The following SETD1B variants were observed in gnomAD, a reference collection of about 807,000 sequenced individuals.
SETD1B encodes the protein histone-lysine N-methyltransferase SETD1B.
In SETD1B, 7 loss-of-function variants were observed where a neutral mutation model predicts 148.0. The observed-to-expected ratio is 0.05, with a 90% CI of 0.03 to 0.09. The LOEUF is 0.09. Among genes scored for constraint, SETD1B ranks in the 10% least tolerant of loss-of-function variants. The probability of loss-of-function intolerance (pLI) is 1.00; values close to 1 mark genes in which losing one functional copy is unlikely to be tolerated. For missense variants in SETD1B, 2,155 were observed against 2,729.9 expected, an observed-to-expected ratio of 0.79 and a Z score of 4.69; for synonymous variants, 1,361 against 1,186.5, an observed-to-expected ratio of 1.15 and a Z score of -3.02.
chr12:121,827,860 C>T lies in SETD1B; in HGVS notation c.5589+6C>T, dbSNP rs1441461975. On this transcript the variant is annotated splice_donor_region_variant and intron_variant, in intron 15 of 16. Transcript: ENST00000604567. ...TGGGCCAGAATATCCGTCAGGTAGG[C>T]ACCGCCCGGCAGGATGGGCACCGGG... is the stretch of plus-strand genomic sequence containing the variant. 1 of 1,555,610 alleles carries T rather than the reference C, an allele frequency of 6.4e-7. No homozygotes were observed. Among genetic ancestry groups the T allele is most frequent in the South Asian group, 1.2e-5 (1 of 84,352 alleles).
rs1382235283 is a variant in SETD1B, at chr12:121,830,499, T to G, written c.*260T>G. ...GCCCCTTTCAGGATTTCTGTTTAACTCCAGCATCAGCTTCTCTCTCTCCGT... is the reference window on the plus strand; with the variant it reads ...GCCCCTTTCAGGATTTCTGTTTAACGCCAGCATCAGCTTCTCTCTCTCCGT... On this transcript the variant is annotated 3_prime_UTR_variant, in exon 17 of 17. Transcript: ENST00000604567. This position sits in a 1 kb window ranked among gnomAD's most constrained non-coding sequence, Gnocchi z 5.7. 1 of 392,962 alleles carries G rather than the reference T, an allele frequency of 2.5e-6. No homozygotes were observed. Among genetic ancestry groups the G allele is most frequent in the Non-Finnish European group, 4.6e-6 (1 of 217,368 alleles). 24.3% of individuals were successfully genotyped at this position (392,962 alleles called of 1,614,324 possible). A position where few individuals can be genotyped will look rare whatever the true frequency, so the allele number is the denominator to read the frequency against.
In SETD1B at chr12:121,808,282, C is replaced by T; in HGVS notation, c.619C>T (p.Leu207=). 1 of 1,550,792 alleles carries T rather than the reference C, an allele frequency of 6.4e-7. No individual in the cohort carries two copies. Among genetic ancestry groups the T allele is most frequent in the Middle Eastern group, 1.7e-4 (1 of 5,986 alleles). The change falls in exon 5 of 17, where the codon CTG becomes TTG. Residue 207 remains leucine, a synonymous_variant. Coordinates refer to ENST00000604567, the MANE Select transcript of SETD1B (RefSeq NM_001353345.2). This position sits in a 1 kb window ranked among gnomAD's most constrained non-coding sequence, Gnocchi z 5.3. ...CCCCCAGACCCTCCCAGTGGGCGAG[C>T]TGGACGCTGTCTCTCCAATCGTGAA... ...YTPQTLPVGE[L]DAVSPIVNET...
At position 121,817,183 on chromosome 12, in the gene SETD1B, G is replaced by A; in HGVS notation, c.2866G>A (p.Ala956Thr). The change falls in exon 8 of 17, where the codon GCC becomes ACC. Residue 956 changes from alanine to threonine, a missense_variant. Physicochemically the swap from Ala to Thr is moderately conservative, Grantham distance 58. Transcript: ENST00000604567. The surrounding 1 kb of genome is among the most constrained non-coding windows in gnomAD (Gnocchi z 8.1). ...GLGLGIGLRG[A>T]IRLPSFKVKR... ...GGGCCTGGGCATTGGGCTGCGTGGG[G>A]CCATTCGCCTGCCCTCCTTCAAGGT... is the stretch of plus-strand genomic sequence containing the variant. 6.5e-7 allele frequency: 1 copy of A among 1,550,066 alleles called. No individual in the cohort carries two copies. Among genetic ancestry groups the A allele is most frequent in the Non-Finnish European group, 8.7e-7 (1 of 1,146,918 alleles).
At position 121,823,227 on chromosome 12, in the gene SETD1B, C is replaced by T. The variant is rs185025697; in HGVS notation, c.4648C>T (p.Leu1550=). The T allele has an allele frequency of 3.1e-4, 486 of 1,549,648 alleles. 2 individuals carry two copies. In the African/African-American group the frequency reaches 5.7e-3, roughly 18 times the overall value. The change falls in exon 12 of 17, where the codon CTG becomes TTG. Residue 1550 remains leucine (L), a synonymous_variant. Transcript: ENST00000604567. The stretch of plus-strand genomic sequence containing the variant: ...AGGGGCCGCCCTTGGAAGGGAACTC[C>T]TGCTCCTGCCGGGCCAGCCACAGAC... ...PAGAALGREL[L]LLPGQPQTPV...
At chr12:121,792,721 C>T in the SETD1B span, among the ~76,000 whole-genome samples, 1 of 152,212 alleles carries the variant, frequency 6.6e-6, no homozygotes, top group Non-Finnish European at 1.5e-5. Flanking sequence ...GATCTGCAGC[C>T]GGGAGCATCC....
chr12:121,812,755 TGTGC>T (rs981319122), intron 6 of SETD1B, among the ~76,000 whole-genome samples: 6 of 152,100 alleles, frequency 3.9e-5, no homozygotes, highest in Non-Finnish European at 7.4e-5. Context: ...AAGGAGAGTG[TGTGC>T]GTGCGTGCGT....
At position 121,808,105 on chromosome 12, in the gene SETD1B, C is replaced by A. The variant is rs1047460939; in HGVS notation, c.545-103C>A. The A allele has an allele frequency of 2.4e-6, 2 of 824,888 alleles. No homozygotes were observed. The highest frequency in any genetic ancestry group is 3.4e-5 in the African/African-American group (2 of 58,716). 51.1% of individuals were successfully genotyped at this position (824,888 alleles called of 1,614,324 possible). A position where few individuals can be genotyped will look rare whatever the true frequency, so the allele number is the denominator to read the frequency against. ...CACAGCCTCCCTAGGACTGGGGTCTCGGGCACAAGGGACCCACCAGGGTGC... is the reference window on the plus strand; with the variant it reads ...CACAGCCTCCCTAGGACTGGGGTCTAGGGCACAAGGGACCCACCAGGGTGC... On this transcript the variant is annotated intron_variant, in intron 4 of 16. Transcript: ENST00000604567. This position sits in a 1 kb window ranked among gnomAD's most constrained non-coding sequence, Gnocchi z 5.3.
chr12:121,818,315 C>T (rs1876397590), intron 10 of SETD1B, among the ~76,000 whole-genome samples: 3 of 152,204 alleles, frequency 2.0e-5, no homozygotes, highest in African/African-American at 7.2e-5. Context: ...GTAATCCCAG[C>T]ACTTTGAGAG....
In SETD1B at chr12:121,817,997, A is replaced by C. The variant is rs1002625162; in HGVS notation, c.3418+93A>C. ...AATTGTCAGAAATACTTCTGAGCCA[A>C]AATGTTGTGCTTTTGAGACGTTACC... is the stretch of plus-strand genomic sequence containing the variant. On this transcript the variant is annotated intron_variant, in intron 10 of 16. Coordinates refer to ENST00000604567, the MANE Select transcript of SETD1B (RefSeq NM_001353345.2). The surrounding 1 kb of genome is among the most constrained non-coding windows in gnomAD (Gnocchi z 8.1). 25 of 1,298,392 alleles carry C rather than the reference A, an allele frequency of 1.9e-5. No homozygotes were observed. The highest frequency in any genetic ancestry group is 1.4e-4 in the Admixed American group (5 of 34,944). The allele number at this position is 1,298,392 out of a possible 1,614,324, so 80.4% of individuals were successfully genotyped here. A position where few individuals can be genotyped will look rare whatever the true frequency, so the allele number is the denominator to read the frequency against.
chr12:121,795,094 G>A, the SETD1B span, among the ~76,000 whole-genome samples: 1 of 152,266 alleles, frequency 6.6e-6, no homozygotes, highest in South Asian at 2.1e-4. Flanking sequence ...GGCACGGTCT[G>A]ACCACCAGAG....
chr12:121,824,065 C>A (rs2137581840), intron 12 of SETD1B, among the ~76,000 whole-genome samples: 1 of 152,356 alleles, frequency 6.6e-6, no homozygotes, highest in East Asian at 1.9e-4. Flanking sequence ...CTTGTCCTGT[C>A]CCCTTCATAA....
the SETD1B span, chr12:121,797,323 T>A: frequency 2.4e-6 from 1 of 410,192 alleles, no homozygotes; most frequent in Non-Finnish European, 4.9e-6. Flanking sequence ...GGCGTGGCCC[T>A]CTCTCTGCAA....
intron 11 of SETD1B, among the ~76,000 whole-genome samples, chr12:121,821,050 AG>A (rs1253898851): frequency 6.6e-6 from 1 of 152,208 alleles, no homozygotes; most frequent in Non-Finnish European, 1.5e-5. Flanking sequence ...TAGGTATACC[AG>A]GGAGTGTTAG....
intron 12 of SETD1B, among the ~76,000 whole-genome samples, chr12:121,824,076 C>T (rs757540136): frequency 3.3e-5 from 5 of 152,224 alleles, no homozygotes; most frequent in African/African-American, 9.6e-5. Flanking sequence ...CCCTTCATAA[C>T]CTCAGGTAAT....
chr12:121,809,447 G>A (rs1213419251), intron 5 of SETD1B, among the ~76,000 whole-genome samples, 156 bp from the exon 6 acceptor site: 1 of 152,152 alleles, frequency 6.6e-6, no homozygotes, highest in Non-Finnish European at 1.5e-5. Flanking sequence ...GTACCATCCT[G>A]ACACTCCTCC....
rs748679892 is a variant in SETD1B at position 121,819,562 on chromosome 12, G to A, written c.3577G>A (p.Glu1193Lys). 2.5e-5 allele frequency: 39 copies of A among 1,552,566 alleles called. No individual in the cohort carries two copies. The South Asian group carries it at 4.5e-4, about 18-fold the overall frequency. Residue 1193 changes from glutamate (E) to lysine (K), a missense_variant, in exon 11 of 17, where the codon GAG becomes AAG. Coordinates refer to ENST00000604567, the MANE Select transcript of SETD1B (RefSeq NM_001353345.2). ...GGAAGAGGAGGAAGAAGAGGAGGAG[G>A]AGGAGATGGTGGCCGAGGAAAGCAT... The part of the protein sequence containing the change: ...AREEEEEEEE[E>K]EMVAEESMAS...
In SETD1B at chr12:121,832,439, T is replaced by TCTCC. The variant is rs1877139445; in HGVS notation, c.*2206_*2209dup. ...GGGGTTTCTGCTATTTTTTGCTTTCTCTCCCTCCCCCTGCAAAGATGAGAA... is the reference window on the plus strand; with the variant it reads ...GGGGTTTCTGCTATTTTTTGCTTTCTCTCCCTCCCTCCCCCTGCAAAGATGAGAA... On this transcript the variant is annotated 3_prime_UTR_variant, in exon 17 of 17. Transcript: ENST00000604567. 1 of 152,876 alleles carries TCTCC rather than the reference T, an allele frequency of 6.5e-6. No homozygotes were observed. The allele number at this position is 152,876 out of a possible 1,614,324, so 9.5% of individuals were successfully genotyped here.
chr12:121,807,720 G>A (rs1366040138), intron 4 of SETD1B, among the ~76,000 whole-genome samples: 3 of 152,170 alleles, frequency 2.0e-5, no homozygotes, highest in Non-Finnish European at 4.4e-5. Flanking sequence ...GTCAGGGCCT[G>A]TGGAGTTCAC....
intron 7 of SETD1B, 42 bp downstream of exon 7, chr12:121,814,972 G>C (rs772287223): frequency 1.1e-5 from 16 of 1,488,138 alleles, no homozygotes; most frequent in South Asian, 3.9e-5. Flanking sequence ...GGCTGTGGAG[G>C]GGGGCAGGTC....
Sources: allele counts gnomAD v4.1 joint callset (sites outside exome capture counted in the v4.1 genomes callset), GRCh38; gene constraint gnomAD v4.1.1; non-coding constraint Gnocchi (gnomAD v3.1); transcripts MANE v1.5; gene names NCBI Gene and HGNC (gene_info 2026-07-23, HGNC 2026-07-21).